The following SLC8A1 variants were observed in gnomAD, a reference collection of about 807,000 sequenced individuals.
SLC8A1 encodes the protein solute carrier family 8 member A1.
Under a neutral mutation model 68.3 loss-of-function variants are expected in SLC8A1, and 18 were observed. The ratio of observed to expected loss-of-function variants is 0.26; its 90% CI spans 0.18 to 0.39. The LOEUF (loss-of-function observed/expected upper bound fraction) is 0.39. Among genes scored for constraint, SLC8A1 ranks in the 10% least tolerant of loss-of-function variants. The pLI, the probability that SLC8A1 is intolerant of heterozygous loss-of-function variation, is 1.00. For missense variants in SLC8A1, 985 were observed against 1,156.7 expected (o/e 0.85, Z 2.15); for synonymous variants, 475 against 415.5 (o/e 1.14, Z -1.74).
intron 2 of SLC8A1, among the ~76,000 whole-genome samples, chr2:40,403,671 A>G (rs1158843308): frequency 2.0e-5 from 3 of 152,186 alleles, no homozygotes; most frequent in African/African-American, 7.2e-5. Context: ...TTCCTCTATT[A>G]ATACTCAGCT....
chr2:40,170,399 G>C lies in SLC8A1; in HGVS notation c.1930+4426C>G, dbSNP rs368658559. 89 of 1,486,626 alleles carry C rather than the reference G, an allele frequency of 6.0e-5. No homozygotes were observed. The African/African-American group carries it at 1.1e-3, about 19-fold the overall frequency. The allele number at this position is 1,486,626 out of a possible 1,614,324, so 92.1% of individuals were successfully genotyped here. ...TCAGCAGAATGGATTGCATTGATTT[G>C]CTATCAGAGCTTTGTGGAATTAGTA... On this transcript the variant is annotated intron_variant, in intron 4 of 7. Coordinates refer to ENST00000406785, the Ensembl canonical transcript of SLC8A1.
intron 2 of SLC8A1, among the ~76,000 whole-genome samples, chr2:40,205,913 G>A (rs187914136): frequency 2.6e-5 from 4 of 151,640 alleles, no homozygotes; most frequent in Admixed American, 1.3e-4. Flanking sequence ...CAGGGATCAC[G>A]TTTTCCTACC....
chr2:40,331,684 C>G (rs2076427635), intron 2 of SLC8A1, among the ~76,000 whole-genome samples: 1 of 152,082 alleles, frequency 6.6e-6, no homozygotes, highest in African/African-American at 2.4e-5. Flanking sequence ...ACCTCTGCCT[C>G]CCGGGTTCAA....
intron 2 of SLC8A1, among the ~76,000 whole-genome samples, chr2:40,239,227 C>T (rs1305841760): frequency 1.3e-5 from 2 of 152,084 alleles, no homozygotes; most frequent in African/African-American, 2.4e-5. Context: ...AACACAGTAC[C>T]CCAATTCTAG....
At chr2:40,187,509 A>G (rs913316720) in intron 2 of SLC8A1, among the ~76,000 whole-genome samples, 3 of 152,224 alleles carry the variant, frequency 2.0e-5, no homozygotes, top group African/African-American at 7.2e-5. Flanking sequence ...GGAGCTTTAG[A>G]GAGTTCTGGA....
chr2:40,432,448 G>T (rs1412031365), intron 1 of SLC8A1, among the ~76,000 whole-genome samples: 1 of 100,358 alleles, frequency 1.0e-5, no homozygotes, highest in Non-Finnish European at 2.3e-5. Flanking sequence ...TATACACGTG[G>T]GATGCATGAT....
chr2:40,200,187 T>TAA (rs1558720739), intron 2 of SLC8A1, among the ~76,000 whole-genome samples: 1 of 10,868 alleles, frequency 9.2e-5, no homozygotes, highest in Non-Finnish European at 3.1e-4. Flanking sequence ...TATATATATA[T>TAA]ATATTTATAT....
chr2:40,179,000 T>C (rs1019939092), intron 2 of SLC8A1, among the ~76,000 whole-genome samples: 1 of 151,474 alleles, frequency 6.6e-6, no homozygotes, highest in South Asian at 2.1e-4. Flanking sequence ...ATTTTTATCA[T>C]AAATTGTTAT....
rs760329198 is a variant in SLC8A1 at position 40,247,243 on chromosome 2, C to T, written c.1809-69388G>A. 6.6e-5 allele frequency among the ~76,000 whole-genome samples: 10 copies of T among 152,294 alleles called. No homozygotes were observed. In the South Asian group the frequency reaches 2.1e-3, roughly 32 times the overall value. On this transcript the variant is annotated intron_variant, in intron 2 of 7. Coordinates refer to ENST00000406785, the Ensembl canonical transcript of SLC8A1. ...GCCTGGAATGGAGCGATCACTATCC[C>T]CAGAGAGCTGTCATGGGTGCAGGCA...
At chr2:40,457,899 T>A (rs1405282844) in intron 1 of SLC8A1, among the ~76,000 whole-genome samples, 1 of 152,208 alleles carries the variant, frequency 6.6e-6, no homozygotes, top group Non-Finnish European at 1.5e-5. Context: ...TTTTACAGAC[T>A]GAGAAAGAAA....
intron 2 of SLC8A1, among the ~76,000 whole-genome samples, chr2:40,257,760 C>G (rs2064141435): frequency 6.6e-6 from 1 of 152,208 alleles, no homozygotes; most frequent in Non-Finnish European, 1.5e-5. Context: ...CCTAACTGAA[C>G]CAAATTGTCC....
At chr2:40,424,540 G>C (rs1696362790) in intron 2 of SLC8A1, among the ~76,000 whole-genome samples, 1 of 151,690 alleles carries the variant, frequency 6.6e-6, no homozygotes, top group Non-Finnish European at 1.5e-5. Flanking sequence ...CAGCTATATT[G>C]GTTAAGATGT....
intron 2 of SLC8A1, among the ~76,000 whole-genome samples, chr2:40,362,229 GA>G (rs949280909): frequency 6.6e-6 from 1 of 151,122 alleles, no homozygotes; most frequent in Non-Finnish European, 1.5e-5. Flanking sequence ...TTGGAAGTAA[GA>G]GAAAAAATTG....
At chr2:40,232,695 A>C in intron 2 of SLC8A1, among the ~76,000 whole-genome samples, 2 of 125,824 alleles carry the variant, frequency 1.6e-5, no homozygotes, top group African/African-American at 3.0e-5. Flanking sequence ...GGTGTGCTGC[A>C]CCCACTAACT....
intron 2 of SLC8A1, among the ~76,000 whole-genome samples, chr2:40,340,516 G>A (rs111601713): frequency 5.9e-5 from 9 of 152,148 alleles, no homozygotes; most frequent in Non-Finnish European, 8.8e-5. Context: ...AGCTGAGATC[G>A]TGCGACTGCA....
At chr2:40,379,263 G>C (rs1199236950) in intron 2 of SLC8A1, among the ~76,000 whole-genome samples, 1 of 152,092 alleles carries the variant, frequency 6.6e-6, no homozygotes, top group African/African-American at 2.4e-5. Flanking sequence ...TCCAGGTCAT[G>C]TCCTTGCTAC....
intron 2 of SLC8A1, among the ~76,000 whole-genome samples, chr2:40,379,776 C>T (rs748283026): frequency 4.0e-5 from 6 of 151,872 alleles, no homozygotes; most frequent in Admixed American, 6.6e-5. Flanking sequence ...CCACATTTTC[C>T]TTGGGGCAGC....
At chr2:40,197,065 C>T (rs1046625917) in intron 2 of SLC8A1, among the ~76,000 whole-genome samples, 29 of 152,136 alleles carry the variant, frequency 1.9e-4, no homozygotes, top group African/African-American at 6.7e-4. Flanking sequence ...CTGTTCATAT[C>T]CCACACATCA....
chr2:40,165,877 G>A (rs773595263), intron 4 of SLC8A1, among the ~76,000 whole-genome samples: 9 of 152,070 alleles, frequency 5.9e-5, no homozygotes, highest in Non-Finnish European at 1.0e-4. Context: ...ATATAAGAAG[G>A]GCAAACACTG....
Sources: allele counts gnomAD v4.1 joint callset (sites outside exome capture counted in the v4.1 genomes callset), GRCh38; gene constraint gnomAD v4.1.1; transcripts MANE v1.5; gene names NCBI Gene and HGNC (gene_info 2026-07-23, HGNC 2026-07-21).